Variants in TLN2 observed in about 807,000 individuals in gnomAD.
The protein encoded by TLN2 is talin 2.
Under a neutral mutation model 294.7 loss-of-function variants are expected in TLN2, and 118 were observed. The observed-to-expected ratio is 0.40, with a 90% CI of 0.34 to 0.47. The LOEUF is 0.47. Ranked by LOEUF, TLN2 falls within the 20% of genes least tolerant of loss-of-function variation. The pLI, the probability that TLN2 is intolerant of heterozygous loss-of-function variation, is 0.84. For synonymous variants in TLN2, 1,431 were observed against 1,304.5 expected (o/e 1.10, Z -2.09); for missense variants, 3,083 against 3,282.2 (o/e 0.94, Z 1.48).
chr15:62,669,828 G>A (rs922211370), intron 9 of TLN2, among the ~76,000 whole-genome samples: 2 of 152,160 alleles, frequency 1.3e-5, no homozygotes, highest in African/African-American at 4.8e-5. Flanking sequence ...CCCACACACG[G>A]CTGATTTACT....
Position 62,838,871 on chromosome 15 carries a change from G to T in TLN2, c.7390G>T (p.Val2464Leu). 6.2e-7 allele frequency: 1 copy of T among 1,609,802 alleles called. No individual in the cohort carries two copies. The highest frequency in any genetic ancestry group is 8.5e-7 in the Non-Finnish European group (1 of 1,179,924). The change falls in exon 58 of 59, where the codon GTG becomes TTG. Residue 2464 changes from valine to leucine, a missense_variant. Transcript: ENST00000636159. Reference sequence around the variant, plus strand: ...CACTCTCCAGGCGGCAGGAAATGCTGTGAAAAGAGCCTCAGACAATCTTGT... The same window carrying T: ...CACTCTCCAGGCGGCAGGAAATGCTTTGAAAAGAGCCTCAGACAATCTTGT... ...MRRLQAAGNA[V>L]KRASDNLVRA...
intron 1 of TLN2, among the ~76,000 whole-genome samples, chr15:62,476,585 C>A (rs77351733): frequency 2.0e-5 from 3 of 152,322 alleles, no homozygotes; most frequent in Non-Finnish European, 2.9e-5. Flanking sequence ...TTGCCCCCAG[C>A]AGTCATAATG....
chr15:62,797,199 T>C lies in TLN2; in HGVS notation c.6051-20T>C. On this transcript the variant is annotated intron_variant, in intron 47 of 58. Transcript: ENST00000636159. Reference sequence around the variant, plus strand: ...GCCCTCTGTCTCTCCCCCTCTCCCCTGCCCTCCTGGCTCTCTCAGGGAGAA... The same window carrying C: ...GCCCTCTGTCTCTCCCCCTCTCCCCCGCCCTCCTGGCTCTCTCAGGGAGAA... The C allele has an allele frequency of 6.2e-7, 1 of 1,613,472 alleles. No individual in the cohort carries two copies. Among genetic ancestry groups the C allele is most frequent in the Non-Finnish European group, 8.5e-7 (1 of 1,179,902 alleles).
intron 1 of TLN2, among the ~76,000 whole-genome samples, chr15:62,546,861 A>G (rs1482559056): frequency 6.6e-6 from 1 of 152,226 alleles, no homozygotes; most frequent in Non-Finnish European, 1.5e-5. Context: ...TAGTAATGTG[A>G]GATGCAGAGG....
Position 62,653,215 on chromosome 15 carries a change from A to G in TLN2, c.418A>G (p.Lys140Glu), listed in dbSNP as rs771719157. 2.5e-6 allele frequency: 4 copies of G among 1,611,392 alleles called. No homozygotes were observed. The highest frequency in any genetic ancestry group is 3.4e-6 in the Non-Finnish European group (4 of 1,178,824). ...SLIQETIEEK[K>E]EEGTGTLKKD... is the part of the protein sequence containing the mutation. ...AATCCAAGAAACTATTGAAGAAAAG[A>G]AAGAGGAAGGAACGGGCACACTCAA... The change falls in exon 7 of 59, where the codon AAA becomes GAA. Residue 140 changes from lysine (K) to glutamate (E), a missense_variant. Coordinates refer to ENST00000636159, the MANE Select transcript of TLN2 (RefSeq NM_015059.3).
At chr15:62,713,789 T>C (rs2059581559) in intron 22 of TLN2, among the ~76,000 whole-genome samples, 1 of 151,840 alleles carries the variant, frequency 6.6e-6, no homozygotes, top group Admixed American at 6.6e-5. Context: ...ACCTCGTGGG[T>C]AGGGGTGAAA....
intron 3 of TLN2, among the ~76,000 whole-genome samples, chr15:62,639,427 GTTAA>G (rs1402070228): frequency 1.3e-5 from 2 of 152,158 alleles, no homozygotes; most frequent in Admixed American, 1.3e-4. Flanking sequence ...TGTGGGGGTG[GTTAA>G]TTATTTCTCC....
At chr15:62,666,828 CT>C (rs1445421457) in intron 9 of TLN2, among the ~76,000 whole-genome samples, 1 of 152,204 alleles carries the variant, frequency 6.6e-6, no homozygotes, top group Non-Finnish European at 1.5e-5. Flanking sequence ...GTAATTTGAG[CT>C]TTCAGCCCAC....
chr15:62,803,268 T>C (rs2066055040), intron 50 of TLN2, among the ~76,000 whole-genome samples: 1 of 152,334 alleles, frequency 6.6e-6, no homozygotes, highest in East Asian at 1.9e-4. Flanking sequence ...CCTTGACCTT[T>C]GGGAGTTTGA....
intron 28 of TLN2, among the ~76,000 whole-genome samples, chr15:62,731,722 G>A (rs1452698903): frequency 6.6e-6 from 1 of 152,134 alleles, no homozygotes; most frequent in Non-Finnish European, 1.5e-5. Context: ...CCTAAACATT[G>A]GACTCACTCC....
At chr15:62,783,436 G>T (rs1473973027) in intron 44 of TLN2, among the ~76,000 whole-genome samples, 1 of 151,950 alleles carries the variant, frequency 6.6e-6, no homozygotes, top group Admixed American at 6.5e-5. Context: ...CGAGGGGCTG[G>T]CACACTCACC....
chr15:62,812,342 A>G (rs978493765), intron 52 of TLN2, among the ~76,000 whole-genome samples: 1 of 152,156 alleles, frequency 6.6e-6, no homozygotes, highest in African/African-American at 2.4e-5. Context: ...CATGACATCT[A>G]TGGGTCCAGG....
At chr15:62,591,336 A>T (rs2046061382) in intron 2 of TLN2, among the ~76,000 whole-genome samples, 1 of 152,176 alleles carries the variant, frequency 6.6e-6, no homozygotes, top group African/African-American at 2.4e-5. Context: ...GGGACACATG[A>T]CTGCTGAGGG....
At chr15:62,521,654 G>A (rs1019306761) in intron 1 of TLN2, among the ~76,000 whole-genome samples, 7 of 152,108 alleles carry the variant, frequency 4.6e-5, no homozygotes, top group African/African-American at 1.7e-4. Flanking sequence ...GCAGCCTTCA[G>A]AGAGAGATGG....
chr15:62,577,440 A>G (rs918634139), intron 1 of TLN2, among the ~76,000 whole-genome samples: 4 of 152,214 alleles, frequency 2.6e-5, no homozygotes, highest in African/African-American at 9.6e-5. Flanking sequence ...GCAAAACTCC[A>G]TCTCAAAAAC....
At chr15:62,561,080 C>T (rs2042919406) in intron 1 of TLN2, among the ~76,000 whole-genome samples, 1 of 152,230 alleles carries the variant, frequency 6.6e-6, no homozygotes, top group Non-Finnish European at 1.5e-5. Flanking sequence ...AGAGAACTAG[C>T]CCCATTCAGG....
At chr15:62,613,656 C>G (rs907660800) in intron 2 of TLN2, among the ~76,000 whole-genome samples, 4 of 152,160 alleles carry the variant, frequency 2.6e-5, no homozygotes, top group African/African-American at 4.8e-5. Flanking sequence ...GATACATGCA[C>G]TCTTTACCGT....
intron 2 of TLN2, among the ~76,000 whole-genome samples, chr15:62,596,393 A>G (rs1356434856): frequency 1.3e-5 from 2 of 152,186 alleles, no homozygotes; most frequent in Non-Finnish European, 2.9e-5. Context: ...CATATTTAAA[A>G]ATGACACATT....
intron 1 of TLN2, among the ~76,000 whole-genome samples, chr15:62,473,236 C>G (rs1397025863): frequency 1.3e-5 from 2 of 152,172 alleles, no homozygotes; most frequent in Admixed American, 6.5e-5. Context: ...TCAGGCCCCA[C>G]CCCTTCACAG....
Sources: allele counts gnomAD v4.1 joint callset (sites outside exome capture counted in the v4.1 genomes callset), GRCh38; gene constraint gnomAD v4.1.1; transcripts MANE v1.5; gene names NCBI Gene and HGNC (gene_info 2026-07-23, HGNC 2026-07-21).